The following PCNX1 variants were observed in gnomAD, a reference collection of about 807,000 sequenced individuals.
The protein encoded by PCNX1 is pecanex-like protein 1.
PCNX1 carries 78 observed loss-of-function variants against 242.2 expected under a neutral mutation model. The ratio of observed to expected loss-of-function variants is 0.32; its 90% confidence interval spans 0.27 to 0.39. PCNX1 has a LOEUF of 0.39. Among genes scored for constraint, PCNX1 ranks in the 10% least tolerant of loss-of-function variants. The pLI is 1.00. For synonymous variants in PCNX1, 1,024 were observed against 1,032.9 expected (o/e 0.99, Z 0.17); for missense variants, 2,581 against 2,856.5 (o/e 0.90, Z 2.20).
At chr14:70,980,291 T>A (rs1283879595) in intron 6 of PCNX1, among the ~76,000 whole-genome samples, 2 of 152,116 alleles carry the variant, frequency 1.3e-5, no homozygotes, top group African/African-American at 4.8e-5. Flanking sequence ...TATTTGCTTC[T>A]CGGTGCTGTT....
intron 14 of PCNX1, 63 bp downstream of exon 14, chr14:71,026,351 GATAA>G: frequency 1.0e-6 from 1 of 958,846 alleles, no homozygotes; most frequent in South Asian, 2.0e-5. Context: ...ACATTTTACT[GATAA>G]ATATATCAAT....
At chr14:70,987,171 A>G (rs1244926294) in intron 6 of PCNX1, among the ~76,000 whole-genome samples, 2 of 152,160 alleles carry the variant, frequency 1.3e-5, no homozygotes, top group Non-Finnish European at 2.9e-5. Flanking sequence ...TTGGCAAAGT[A>G]TGTAATGTGC....
intron 6 of PCNX1, among the ~76,000 whole-genome samples, chr14:70,986,111 C>CAAAT (rs2058994703): frequency 6.6e-6 from 1 of 152,146 alleles, no homozygotes; most frequent in Admixed American, 6.5e-5. Context: ...TCGACTATTC[C>CAAAT]AAATAGAGAT....
At chr14:71,088,082 A>G (rs2062037852) in intron 28 of PCNX1, among the ~76,000 whole-genome samples, 1 of 152,134 alleles carries the variant, frequency 6.6e-6, no homozygotes, top group Non-Finnish European at 1.5e-5. Context: ...ATATTTTATA[A>G]TAGAGTCAGT....
At chr14:70,992,870 CT>C (rs1192559375) in intron 7 of PCNX1, among the ~76,000 whole-genome samples, 1 of 152,046 alleles carries the variant, frequency 6.6e-6, no homozygotes, top group Non-Finnish European at 1.5e-5. Context: ...AAATAATGGA[CT>C]TTTTTATTTC....
intron 5 of PCNX1, among the ~76,000 whole-genome samples, chr14:70,970,631 A>T (rs1246240537): frequency 6.6e-6 from 1 of 152,224 alleles, no homozygotes; most frequent in Non-Finnish European, 1.5e-5. Context: ...ATAGACAGTG[A>T]TGTCTAACAT....
Position 71,109,947 on chromosome 14 carries a change from T to G in PCNX1, c.*12T>G. 2 of 1,611,554 alleles carry G rather than the reference T, an allele frequency of 1.2e-6. No homozygotes were observed. Among genetic ancestry groups the G allele is most frequent in the African/African-American group, 2.7e-5 (2 of 74,926 alleles). On this transcript the variant is annotated 3_prime_UTR_variant, in exon 36 of 36. Transcript: ENST00000304743. ...GGGCTGAAGTGTGAGCCAGTGTTTA[T>G]TATAAAGACATTTCTTTTTCCCTCT...
chr14:71,057,033 A>G (rs576752016), intron 25 of PCNX1, among the ~76,000 whole-genome samples: 2 of 152,250 alleles, frequency 1.3e-5, no homozygotes, highest in South Asian at 4.1e-4. Context: ...TCTGCTTAAC[A>G]TTAGCCATCT....
chr14:70,957,364 A>G (rs1208149111), intron 2 of PCNX1, among the ~76,000 whole-genome samples: 1 of 152,182 alleles, frequency 6.6e-6, no homozygotes, highest in Non-Finnish European at 1.5e-5. Context: ...TGATGTATAA[A>G]ACTAGGCAAG....
intron 11 of PCNX1, among the ~76,000 whole-genome samples, chr14:71,017,681 C>T (rs1272078652): frequency 1.3e-5 from 2 of 152,104 alleles, no homozygotes; most frequent in Non-Finnish European, 2.9e-5. Context: ...CCTTAAAAAT[C>T]CAAAGACAAG....
intron 27 of PCNX1, among the ~76,000 whole-genome samples, chr14:71,075,518 CTA>C (rs2061695447): frequency 6.6e-6 from 1 of 151,964 alleles, no homozygotes. Context: ...TAATAACTCT[CTA>C]TGAGAAATTA....
chr14:71,105,207 T>C (rs1335892860), intron 32 of PCNX1, 28 bp from the exon 33 acceptor site: 1 of 1,551,674 alleles, frequency 6.4e-7, no homozygotes, highest in Non-Finnish European at 8.9e-7. Flanking sequence ...CTTGGAATAA[T>C]GCTTCCTACT....
rs1247364118 is a variant in PCNX1 at position 71,033,684 on chromosome 14, G to A, written c.3668+146G>A. 5.1e-6 allele frequency: 3 copies of A among 590,030 alleles called. No homozygotes were observed. The African/African-American group carries it at 5.7e-5, about 11-fold the overall frequency. 36.5% of individuals were successfully genotyped at this position (590,030 alleles called of 1,614,324 possible). A position where few individuals can be genotyped will look rare whatever the true frequency, so the allele number is the denominator to read the frequency against. ...TTAAGTTTCAAAATATAATAATTTT[G>A]GGTTATTCAAATCAGGTTGGCTGAG... On this transcript the variant is annotated intron_variant, in intron 17 of 35. Transcript: ENST00000304743.
intron 1 of PCNX1, among the ~76,000 whole-genome samples, chr14:70,931,326 A>G (rs551927412): frequency 4.6e-5 from 7 of 152,362 alleles, no homozygotes; most frequent in African/African-American, 1.7e-4. Context: ...AGAGCTTTAC[A>G]AAAAAATGGT....
chr14:71,074,616 C>T (rs1019062575), intron 27 of PCNX1, among the ~76,000 whole-genome samples: 3 of 152,142 alleles, frequency 2.0e-5, no homozygotes, highest in African/African-American at 7.2e-5. Flanking sequence ...GAAGCTTGCT[C>T]GAGCTTGGTG....
At chr14:70,987,511 A>G (rs955534020) in intron 6 of PCNX1, among the ~76,000 whole-genome samples, 1 of 152,178 alleles carries the variant, frequency 6.6e-6, no homozygotes, top group South Asian at 2.1e-4. Flanking sequence ...TTACCCCACA[A>G]GTAAAGGAAT....
chr14:71,042,303 ATC>A (rs1282892591), intron 19 of PCNX1, among the ~76,000 whole-genome samples: 1 of 152,134 alleles, frequency 6.6e-6, no homozygotes, highest in African/African-American at 2.4e-5. Flanking sequence ...ATTGGGGTCT[ATC>A]TCATTAGCTT....
chr14:70,969,324 C>T (rs2058471969), intron 5 of PCNX1: 1 of 453,512 alleles, frequency 2.2e-6, no homozygotes, highest in Non-Finnish European at 4.0e-6. Flanking sequence ...GCCAGATAAA[C>T]ATGGAGAGAG....
At chr14:70,921,509 A>C (rs1408410443) in intron 1 of PCNX1, among the ~76,000 whole-genome samples, 1 of 152,180 alleles carries the variant, frequency 6.6e-6, no homozygotes, top group Non-Finnish European at 1.5e-5. Context: ...AGATATTTTC[A>C]AAGTGAGAAT....
Sources: allele counts gnomAD v4.1 joint callset (sites outside exome capture counted in the v4.1 genomes callset), GRCh38; gene constraint gnomAD v4.1.1; transcripts MANE v1.5; gene names NCBI Gene and HGNC (gene_info 2026-07-23, HGNC 2026-07-21).